The following NEDD4L variants were observed in gnomAD, a reference collection of about 807,000 sequenced individuals.
The protein encoded by NEDD4L is NEDD4 like E3 ubiquitin protein ligase.
NEDD4L carries 54 observed loss-of-function variants against 148.9 expected under a neutral mutation model. The ratio of observed to expected loss-of-function variants is 0.36; its 90% CI spans 0.29 to 0.45. The LOEUF is 0.45. Ranked by LOEUF, NEDD4L falls within the 20% of genes least tolerant of loss-of-function variation. The pLI is 1.00. For missense variants in NEDD4L, 856 were observed against 1,233.8 expected (o/e 0.69, Z 4.59); for synonymous variants, 433 against 440.7 (o/e 0.98, Z 0.22).
chr18:58,334,939 T>C (rs1393044869), intron 12 of NEDD4L, among the ~76,000 whole-genome samples: 1 of 152,260 alleles, frequency 6.6e-6, no homozygotes, highest in South Asian at 2.1e-4. Context: ...AAAAACAAAA[T>C]AATCAACTGA....
intron 2 of NEDD4L, among the ~76,000 whole-genome samples, chr18:58,171,760 G>C (rs1237051418): frequency 6.6e-6 from 1 of 152,210 alleles, no homozygotes; most frequent in Non-Finnish European, 1.5e-5. Flanking sequence ...GCATCTAGGA[G>C]AGGTGCTTAT....
At chr18:58,377,989 C>T (rs1328277196) in intron 24 of NEDD4L, among the ~76,000 whole-genome samples, 1 of 152,160 alleles carries the variant, frequency 6.6e-6, no homozygotes, top group African/African-American at 2.4e-5. Context: ...AAGTGATCTG[C>T]CCACCTCAGC....
chr18:58,110,516 G>C (rs1184129338), intron 1 of NEDD4L, among the ~76,000 whole-genome samples: 2 of 152,330 alleles, frequency 1.3e-5, no homozygotes, highest in Non-Finnish European at 1.5e-5. Flanking sequence ...TTTGAAGCCA[G>C]GGTGAGACTC....
At chr18:58,265,649 C>G (rs760422138) in intron 5 of NEDD4L, among the ~76,000 whole-genome samples, 2 of 151,962 alleles carry the variant, frequency 1.3e-5, no homozygotes, top group Non-Finnish European at 1.5e-5. Flanking sequence ...ACTGCCACCT[C>G]CACCTCCCAG....
At position 58,397,418 on chromosome 18, in the gene NEDD4L, G is replaced by A. The variant is rs904736311; in HGVS notation, c.*1149G>A. The A allele has an allele frequency of 2.0e-5, 3 of 152,372 alleles. No homozygotes were observed. The highest frequency in any genetic ancestry group is 2.0e-4 in the Admixed American group (3 of 15,276). The allele number at this position is 152,372 out of a possible 1,614,324, so 9.4% of individuals were successfully genotyped here. A position where few individuals can be genotyped will look rare whatever the true frequency, so the allele number is the denominator to read the frequency against. On this transcript the variant is annotated 3_prime_UTR_variant, in exon 31 of 31. Coordinates refer to ENST00000400345, the MANE Select transcript of NEDD4L (RefSeq NM_001144967.3). ...TCTTTTCCCTGCACACATCTTTCCG[G>A]TGCAATATCTATCAATTGTGAATCT... is the stretch of plus-strand genomic sequence containing the variant.
At chr18:58,230,030 G>T (rs569145737) in intron 2 of NEDD4L, among the ~76,000 whole-genome samples, 1 of 152,024 alleles carries the variant, frequency 6.6e-6, no homozygotes, top group Non-Finnish European at 1.5e-5. Context: ...AGCTTTTTCA[G>T]GTTGGAAAAA....
chr18:58,175,005 C>T (rs2037961548), intron 2 of NEDD4L, among the ~76,000 whole-genome samples: 1 of 152,186 alleles, frequency 6.6e-6, no homozygotes, highest in African/African-American at 2.4e-5. Context: ...AGTACCTTTG[C>T]TCAGCTGTAA....
chr18:58,306,223 G>A (rs2057039996), intron 5 of NEDD4L, among the ~76,000 whole-genome samples: 1 of 151,430 alleles, frequency 6.6e-6, no homozygotes, highest in Admixed American at 6.6e-5. Context: ...GAATGTCTTT[G>A]TATATCCCCA....
chr18:58,134,959 G>A (rs1437191907), intron 1 of NEDD4L, among the ~76,000 whole-genome samples: 1 of 152,112 alleles, frequency 6.6e-6, no homozygotes, highest in East Asian at 1.9e-4. Context: ...TCAATGGAAA[G>A]CGAAGGAACA....
At position 58,249,053 on chromosome 18, in the gene NEDD4L, G is replaced by T. The variant is rs1600221769; in HGVS notation, c.243+116G>T. ...TTTAATGAGAAATTCCTTTTAGGAT[G>T]AAAAATAGGTAGCCTCCTAATGTGT... On this transcript the variant is annotated intron_variant, in intron 4 of 30. Transcript: ENST00000400345. 1.4e-5 allele frequency: 8 copies of T among 567,474 alleles called. No individual in the cohort carries two copies. In the East Asian group the frequency reaches 2.4e-4, roughly 17 times the overall value. 35.2% of individuals were successfully genotyped at this position (567,474 alleles called of 1,614,324 possible).
At chr18:58,094,499 T>C (rs1489439866) in intron 1 of NEDD4L, among the ~76,000 whole-genome samples, 1 of 140,970 alleles carries the variant, frequency 7.1e-6, no homozygotes, top group African/African-American at 2.9e-5. Flanking sequence ...TCCTGCACCC[T>C]TACCTTTTCG....
Position 58,228,988 on chromosome 18 carries a change from A to T in NEDD4L, c.123-16439A>T, listed in dbSNP as rs292448. Reference sequence around the variant, plus strand: ...GCAGATTCTCGAGGCGCGGCTCACAACTACCCAATCAGACTACATTTTAAC... The same window carrying T: ...GCAGATTCTCGAGGCGCGGCTCACATCTACCCAATCAGACTACATTTTAAC... On this transcript the variant is annotated intron_variant, in intron 2 of 30. Transcript: ENST00000400345. Among the ~76,000 whole-genome samples, 373 of 152,098 alleles carry T rather than the reference A, an allele frequency of 2.5e-3. 3 individuals carry two copies. The highest frequency in any genetic ancestry group is 8.5e-3 in the African/African-American group (352 of 41,488).
chr18:58,231,537 A>G (rs1352239383), intron 2 of NEDD4L, among the ~76,000 whole-genome samples: 1 of 152,032 alleles, frequency 6.6e-6, no homozygotes, highest in Non-Finnish European at 1.5e-5. Context: ...TTGGAAAACC[A>G]AACAGATGTG....
At chr18:58,280,266 G>A (rs1401778900) in intron 5 of NEDD4L, among the ~76,000 whole-genome samples, 7 of 151,966 alleles carry the variant, frequency 4.6e-5, no homozygotes, top group Non-Finnish European at 8.8e-5. Context: ...ACTGTCCAGC[G>A]CATTCCACTG....
chr18:58,301,335 G>A (rs17833989), intron 5 of NEDD4L, among the ~76,000 whole-genome samples: 52,711 of 151,920 alleles, frequency 0.35, 9,560 homozygotes, highest in South Asian at 0.54. Flanking sequence ...TAATGAAATT[G>A]GGCGCTTTGA....
chr18:58,392,325 G>C (rs934432896), intron 30 of NEDD4L, among the ~76,000 whole-genome samples: 7 of 152,318 alleles, frequency 4.6e-5, no homozygotes, highest in Middle Eastern at 3.4e-3. Flanking sequence ...GGTGAGCAGC[G>C]TAGCCCTGTG....
intron 2 of NEDD4L, among the ~76,000 whole-genome samples, chr18:58,245,069 T>A (rs770778076): frequency 1.3e-5 from 2 of 152,192 alleles, no homozygotes; most frequent in Non-Finnish European, 2.9e-5. Context: ...CTCCACTAAT[T>A]ACCTAGACGC....
At chr18:58,319,867 C>T (rs2058622723) in intron 6 of NEDD4L, among the ~76,000 whole-genome samples, 1 of 152,126 alleles carries the variant, frequency 6.6e-6, no homozygotes, top group Non-Finnish European at 1.5e-5. Context: ...TTGAGTGTGC[C>T]AGGTGCCCTT....
In NEDD4L at chr18:58,349,404, T is replaced by TGG. The variant is rs140266146; in HGVS notation, c.1576-131_1576-130dup. On this transcript the variant is annotated intron_variant, in intron 16 of 30. Coordinates refer to ENST00000400345, the MANE Select transcript of NEDD4L (RefSeq NM_001144967.3). The stretch of plus-strand genomic sequence containing the variant: ...CCAGGCTTCCTGTACAAAACAGAGA[T>TGG]GGGACCCATCTCACGCTCCAGGCAT... 9,908 of 678,694 alleles carry TGG rather than the reference T, an allele frequency of 0.015. 654 individuals are homozygous for TGG. In the African/African-American group the frequency reaches 0.15, roughly 10 times the overall value. The allele number at this position is 678,694 out of a possible 1,614,324, so 42.0% of individuals were successfully genotyped here.
Sources: allele counts gnomAD v4.1 joint callset (sites outside exome capture counted in the v4.1 genomes callset), GRCh38; gene constraint gnomAD v4.1.1; transcripts MANE v1.5; gene names NCBI Gene and HGNC (gene_info 2026-07-23, HGNC 2026-07-21).